The following DGKI variants were observed in gnomAD, a reference collection of about 807,000 sequenced individuals.
DGKI encodes DAG kinase iota.
In DGKI, 55 loss-of-function variants were observed where a neutral mutation model predicts 147.5. That is an observed-to-expected ratio of 0.37 (90% CI 0.30 to 0.47). DGKI has a LOEUF of 0.47. Among genes scored for constraint, DGKI ranks in the 20% least tolerant of loss-of-function variants. DGKI has a pLI of 1.00. For missense variants in DGKI, 1,007 were observed against 1,323.8 expected (o/e 0.76, Z 3.71); for synonymous variants, 469 against 477.1 (o/e 0.98, Z 0.22).
chr7:137,771,704 A>G (rs909245888), intron 1 of DGKI: 5 of 152,218 alleles, frequency 3.3e-5, no homozygotes, highest in African/African-American at 1.2e-4. Context: ...GTCTTCATGG[A>G]AAGTGTGACC....
rs1202801030 is a variant in DGKI, at chr7:137,638,663, T to C, written c.804+6809A>G. ...ATATGTGTATGTATATACACACATA[T>C]GTATATATACACACGTATGTACACA... is the stretch of plus-strand genomic sequence containing the variant. On this transcript the variant is annotated intron_variant, in intron 6 of 32. Coordinates refer to ENST00000614521, the MANE Select transcript of DGKI (RefSeq NM_001321708.2). 2.2e-5 allele frequency among the ~76,000 whole-genome samples: 3 copies of C among 134,754 alleles called. 1 individual carries two copies. The highest frequency in any genetic ancestry group is 4.6e-5 in the Non-Finnish European group (3 of 65,338). The allele number at this position is 134,754 out of a possible 152,430, so 88.4% of individuals were successfully genotyped here.
chr7:137,384,400 A>T lies in DGKI; in HGVS notation c.*6820T>A, dbSNP rs1585064004. The T allele has an allele frequency of 1.3e-5, 2 of 150,272 alleles. No homozygotes were observed. The highest frequency in any genetic ancestry group is 6.6e-5 in the Admixed American group (1 of 15,042). The allele number at this position is 150,272 out of a possible 1,614,324, so 9.3% of individuals were successfully genotyped here. On this transcript the variant is annotated 3_prime_UTR_variant, in exon 33 of 33. Transcript: ENST00000614521. ...TCTTTCCGTGGAAACTTAGGTAAAC[A>T]TTTTTTTTTCATGGAGGCAACTTCT...
intron 28 of DGKI, among the ~76,000 whole-genome samples, chr7:137,412,441 A>C (rs1267501911): frequency 6.6e-6 from 1 of 152,114 alleles, no homozygotes; most frequent in East Asian, 1.9e-4. Flanking sequence ...TGGTACAGTA[A>C]ATATTTTAAA....
At chr7:137,457,348 C>T (rs537437022) in intron 27 of DGKI, among the ~76,000 whole-genome samples, 4 of 152,124 alleles carry the variant, frequency 2.6e-5, no homozygotes, top group Admixed American at 6.5e-5. Flanking sequence ...AGAATATTTC[C>T]AAAATCAAAA....
chr7:137,707,777 T>C (rs778738103), intron 1 of DGKI, among the ~76,000 whole-genome samples: 30 of 152,330 alleles, frequency 2.0e-4, no homozygotes, highest in Non-Finnish European at 3.5e-4. Context: ...CTCTTTTCTT[T>C]ATAAATTACC....
intron 28 of DGKI, among the ~76,000 whole-genome samples, chr7:137,416,448 G>A (rs937600285): frequency 6.6e-6 from 1 of 152,180 alleles, no homozygotes; most frequent in African/African-American, 2.4e-5. Context: ...CATGGTGTCT[G>A]AGGGAATCTG....
intron 20 of DGKI, among the ~76,000 whole-genome samples, chr7:137,539,049 T>C (rs1817605967): frequency 6.6e-6 from 1 of 151,864 alleles, no homozygotes; most frequent in Non-Finnish European, 1.5e-5. Flanking sequence ...TCTCCCTTTC[T>C]TTTTTCCCCC....
chr7:137,717,298 GCT>G (rs1794407653), intron 1 of DGKI, among the ~76,000 whole-genome samples: 1 of 152,104 alleles, frequency 6.6e-6, no homozygotes. Flanking sequence ...GCCTTTTTTG[GCT>G]CTCAAGAAGG....
At chr7:137,535,036 C>A (rs936751218) in intron 20 of DGKI, among the ~76,000 whole-genome samples, 1 of 152,030 alleles carries the variant, frequency 6.6e-6, no homozygotes, top group Non-Finnish European at 1.5e-5. Context: ...AGAAACCAAC[C>A]CTGCTGACAC....
chr7:137,414,896 GC>G lies in DGKI; in HGVS notation c.2762-2690del, dbSNP rs1468458684. Among the ~76,000 whole-genome samples the G allele has an allele frequency of 7.5e-4, 114 of 152,240 alleles. 2 individuals are homozygous for G. The highest frequency in any genetic ancestry group is 7.1e-3 in the Admixed American group (109 of 15,294). On this transcript the variant is annotated intron_variant, in intron 28 of 32. Transcript: ENST00000614521. ...CCATTTGCAAATGAGGTTAACAGCT[GC>G]ACTGCTCACCTCTCGGTAGTTAGGA...
intron 1 of DGKI, among the ~76,000 whole-genome samples, chr7:137,770,009 A>G (rs1467290793): frequency 1.3e-5 from 2 of 152,224 alleles, no homozygotes; most frequent in African/African-American, 4.8e-5. Context: ...TTGTTCTATA[A>G]AGACACATGC....
chr7:137,446,864 C>G (rs1813737309), intron 27 of DGKI, among the ~76,000 whole-genome samples: 1 of 152,134 alleles, frequency 6.6e-6, no homozygotes, highest in South Asian at 2.1e-4. Context: ...TATCTTAAAC[C>G]TGACAACTGA....
At position 137,742,380 on chromosome 7, in the gene DGKI, T is replaced by C. The variant is rs186599839; in HGVS notation, c.402-52378A>G. On this transcript the variant is annotated intron_variant, in intron 1 of 32. Coordinates refer to ENST00000614521, the MANE Select transcript of DGKI (RefSeq NM_001321708.2). Reference sequence around the variant, plus strand: ...TTCCTAGGTAGGGCCCCTTCTGCAATAGGAAAAGAAGCAGAGAACCTCAAA... The same window carrying C: ...TTCCTAGGTAGGGCCCCTTCTGCAACAGGAAAAGAAGCAGAGAACCTCAAA... Among the ~76,000 whole-genome samples, 290 of 151,848 alleles carry C rather than the reference T, an allele frequency of 1.9e-3. 4 individuals carry two copies. Among genetic ancestry groups the C allele is most frequent in the Admixed American group, 0.018 (272 of 15,262 alleles).
rs1026687127 is a variant in DGKI at position 137,386,103 on chromosome 7, C to T, written c.*5117G>A. 2 of 151,972 alleles carry T rather than the reference C, an allele frequency of 1.3e-5. No homozygotes were observed. The highest frequency in any genetic ancestry group is 4.8e-5 in the African/African-American group (2 of 41,386). The allele number at this position is 151,972 out of a possible 1,614,324, so 9.4% of individuals were successfully genotyped here. On this transcript the variant is annotated 3_prime_UTR_variant, in exon 33 of 33. Transcript: ENST00000614521. The stretch of plus-strand genomic sequence containing the variant: ...CTGGAGTCTATGCATTATGAAGATA[C>T]CATTCAATTTTCACGTTTCTATTTT...
Position 137,846,259 on chromosome 7 carries a change from G to A in DGKI, c.401+203C>T, listed in dbSNP as rs1299166333. ...ACCCAGTGCTTCTCTCCTGCCACAG[G>A]GGAAAGCAGGCGTTGCTGCCCTCCA... On this transcript the variant is annotated intron_variant, in intron 1 of 32. Transcript: ENST00000614521. This position sits in a 1 kb window ranked among gnomAD's most constrained non-coding sequence, Gnocchi z 4.0. Among the ~76,000 whole-genome samples, 5 of 151,436 alleles carry A rather than the reference G, an allele frequency of 3.3e-5. No homozygotes were observed. Among genetic ancestry groups the A allele is most frequent in the Admixed American group, 2.0e-4 (3 of 15,186 alleles).
At chr7:137,638,617 C>CATATATGTATATAT (rs1563125886) in intron 6 of DGKI, among the ~76,000 whole-genome samples, 16 of 5,574 alleles carry the variant, frequency 2.9e-3, no homozygotes, top group Admixed American at 7.5e-3. Flanking sequence ...TATATACACA[C>CATATATGTATATAT]ACACATATAT....
chr7:137,799,126 C>T (rs181531618), intron 1 of DGKI, among the ~76,000 whole-genome samples: 46 of 152,270 alleles, frequency 3.0e-4, no homozygotes, highest in Non-Finnish European at 3.4e-4. Context: ...TTCATCACTT[C>T]TATTCAACAC....
chr7:137,722,861 A>G (rs1030214319), intron 1 of DGKI: 17 of 1,004,660 alleles, frequency 1.7e-5, no homozygotes, highest in Non-Finnish European at 2.6e-5. Context: ...TAAATGTCTT[A>G]AGAACTTAAT....
chr7:137,612,401 A>G (rs1356578730), intron 8 of DGKI, among the ~76,000 whole-genome samples: 1 of 152,108 alleles, frequency 6.6e-6, no homozygotes, highest in Non-Finnish European at 1.5e-5. Flanking sequence ...GTAAGCTTAC[A>G]GCCCTACGGA....
Sources: allele counts gnomAD v4.1 joint callset (sites outside exome capture counted in the v4.1 genomes callset), GRCh38; gene constraint gnomAD v4.1.1; non-coding constraint Gnocchi (gnomAD v3.1); transcripts MANE v1.5; gene names NCBI Gene and HGNC (gene_info 2026-07-23, HGNC 2026-07-21).